The following SCARA3 variants were observed in gnomAD, a reference collection of about 807,000 sequenced individuals.
SCARA3 encodes scavenger receptor class A member 3.
Under a neutral mutation model 47.0 loss-of-function variants are expected in SCARA3, and 39 were observed. The ratio of observed to expected loss-of-function variants is 0.83; its 90% confidence interval spans 0.64 to 1.08. The LOEUF (loss-of-function observed/expected upper bound fraction) is 1.08, where lower values mean the gene tolerates loss of function less well. Among genes scored for constraint, SCARA3 ranks in the 50% least tolerant of loss-of-function variants. The pLI, the probability that SCARA3 is intolerant of heterozygous loss-of-function variation, is 0.00. For synonymous variants in SCARA3, 356 were observed against 334.1 expected, an observed-to-expected ratio of 1.07 and a Z score of -0.71; for missense variants, 724 against 792.3, an observed-to-expected ratio of 0.91 and a Z score of 1.04.
the SCARA3 span, among the ~76,000 whole-genome samples, chr8:27,689,529 T>G: frequency 1.3e-5 from 2 of 152,162 alleles, no homozygotes; most frequent in Non-Finnish European, 2.9e-5. Flanking sequence ...AGAGCAGATC[T>G]GGGTGGGAGG....
intron 1 of SCARA3, among the ~76,000 whole-genome samples, chr8:27,644,348 G>C (rs1801447239): frequency 6.6e-6 from 1 of 152,202 alleles, no homozygotes; most frequent in South Asian, 2.1e-4. Context: ...CATGGGGCTG[G>C]CTTCTTTATG....
chr8:27,634,071 C>T lies in SCARA3; in HGVS notation c.-130C>T, dbSNP rs1218094280. The T allele has an allele frequency of 1.7e-5, 13 of 780,004 alleles. No individual in the cohort carries two copies. Among genetic ancestry groups the T allele is most frequent in the Middle Eastern group, 4.0e-4 (1 of 2,484 alleles). The allele number at this position is 780,004 out of a possible 1,614,324, so 48.3% of individuals were successfully genotyped here. A position where few individuals can be genotyped will look rare whatever the true frequency, so the allele number is the denominator to read the frequency against. On this transcript the variant is annotated 5_prime_UTR_variant, in exon 1 of 6. Coordinates refer to ENST00000301904, the MANE Select transcript of SCARA3 (RefSeq NM_016240.3). The stretch of plus-strand genomic sequence containing the variant: ...CGCGCGCCGGAGCATGAGTCCCGGC[C>T]GGAGCCCCACGGCCGCGGGCGGCGC...
chr8:27,682,677 T>C, the SCARA3 span, among the ~76,000 whole-genome samples: 2 of 152,156 alleles, frequency 1.3e-5, no homozygotes, highest in African/African-American at 4.8e-5. Flanking sequence ...TTAAAACCAC[T>C]ACACTCATAA....
At chr8:27,714,039 G>A in the SCARA3 span, among the ~76,000 whole-genome samples, 2 of 152,002 alleles carry the variant, frequency 1.3e-5, no homozygotes, top group East Asian at 1.9e-4. Flanking sequence ...ACCACGTGAT[G>A]TACCTGCTTC....
chr8:27,649,429 C>T (rs570300887), intron 1 of SCARA3, among the ~76,000 whole-genome samples: 84 of 152,346 alleles, frequency 5.5e-4, no homozygotes, highest in Non-Finnish European at 1.0e-4. Context: ...TCAGCAAGCT[C>T]CAGAGAGAGC....
the SCARA3 span, among the ~76,000 whole-genome samples, chr8:27,728,181 A>G: frequency 6.6e-6 from 1 of 152,166 alleles, no homozygotes; most frequent in Non-Finnish European, 1.5e-5. Context: ...TCCAGGTGAG[A>G]GCTAAATTGT....
At chr8:27,697,608 G>T in the SCARA3 span, 1 of 152,176 alleles carries the variant, frequency 6.6e-6, no homozygotes. Context: ...GTTTGGCTGT[G>T]TCCCCACCCA....
intron 4 of SCARA3, among the ~76,000 whole-genome samples, chr8:27,657,554 T>C: frequency 7.0e-6 from 1 of 142,360 alleles, no homozygotes; most frequent in Non-Finnish European, 1.5e-5. Context: ...TTTTTTTTTT[T>C]TTTTGAGACG....
chr8:27,709,159 G>A, the SCARA3 span, among the ~76,000 whole-genome samples: 160 of 152,338 alleles, frequency 1.1e-3, no homozygotes, highest in African/African-American at 3.5e-3. Flanking sequence ...TTCAGAGAAA[G>A]GCAAGGAATC....
intron 1 of SCARA3, 72 bp downstream of exon 1, chr8:27,634,279 G>A: frequency 7.9e-7 from 1 of 1,266,100 alleles, no homozygotes; most frequent in Non-Finnish European, 1.0e-6. Context: ...GGCCTGGGGG[G>A]CGCCTTTTCT....
At chr8:27,706,588 G>T in the SCARA3 span, among the ~76,000 whole-genome samples, 1 of 152,204 alleles carries the variant, frequency 6.6e-6, no homozygotes, top group Admixed American at 6.5e-5. Context: ...ATGGGGAAAA[G>T]ACTGTTAGAG....
At chr8:27,636,655 A>G (rs1220565954) in intron 1 of SCARA3, among the ~76,000 whole-genome samples, 1 of 152,006 alleles carries the variant, frequency 6.6e-6, no homozygotes, top group African/African-American at 2.4e-5. Context: ...CAGCCTCTTC[A>G]TGTGCCGAGC....
Position 27,668,546 on chromosome 8 carries a change from C to CA in SCARA3, c.1370-2338dup, listed in dbSNP as rs61162841. Among the ~76,000 whole-genome samples the CA allele has an allele frequency of 8.3e-3, 576 of 69,762 alleles. 21 individuals carry two copies. The highest frequency in any genetic ancestry group is 0.019 in the African/African-American group (370 of 19,672). 45.8% of individuals were successfully genotyped at this position (69,762 alleles called of 152,430 possible). ...TGGGCGACAGAGCGAGACTCCGTCT[C>CA]AAAAAAAAAAAAAAAAGAAATCACA... is the stretch of plus-strand genomic sequence containing the variant. On this transcript the variant is annotated intron_variant, in intron 5 of 5. Coordinates refer to ENST00000301904, the MANE Select transcript of SCARA3 (RefSeq NM_016240.3).
intron 5 of SCARA3, among the ~76,000 whole-genome samples, chr8:27,666,337 G>A (rs1191042592): frequency 6.6e-6 from 1 of 152,210 alleles, no homozygotes; most frequent in Non-Finnish European, 1.5e-5. Flanking sequence ...TCTTCTCTGG[G>A]ATCTTGGCCC....
At chr8:27,722,969 G>C in the SCARA3 span, among the ~76,000 whole-genome samples, 34 of 152,122 alleles carry the variant, frequency 2.2e-4, no homozygotes, top group African/African-American at 8.0e-4. Flanking sequence ...AGCACACTGG[G>C]CTCCCTCTTC....
the SCARA3 span, among the ~76,000 whole-genome samples, chr8:27,696,616 A>AT: frequency 0.74 from 98,919 of 134,140 alleles, 37,109 homozygotes; most frequent in East Asian, 0.86. Context: ...CACCTGGCTA[A>AT]TTTTTTTTTT....
At chr8:27,693,323 C>A in the SCARA3 span, among the ~76,000 whole-genome samples, 7 of 152,138 alleles carry the variant, frequency 4.6e-5, no homozygotes, top group Non-Finnish European at 7.3e-5. Flanking sequence ...TTCTTAGGAC[C>A]TCTTGAGACT....
chr8:27,730,356 C>A, the SCARA3 span, among the ~76,000 whole-genome samples: 1 of 152,198 alleles, frequency 6.6e-6, no homozygotes, highest in Non-Finnish European at 1.5e-5. Context: ...TCTTGGATTA[C>A]AAGCCCCAGG....
the SCARA3 span, chr8:27,733,572 G>A: frequency 6.6e-6 from 1 of 152,140 alleles, no homozygotes; most frequent in African/African-American, 2.4e-5. Flanking sequence ...GTGGGTCAAA[G>A]CTGAAATTTA....
Sources: allele counts gnomAD v4.1 joint callset (sites outside exome capture counted in the v4.1 genomes callset), GRCh38; gene constraint gnomAD v4.1.1; transcripts MANE v1.5; gene names NCBI Gene and HGNC (gene_info 2026-07-23, HGNC 2026-07-21).